Variants in CDH13 observed in about 807,000 individuals in gnomAD.
The protein encoded by CDH13 is cadherin 13, also known as cadherin-13.
Under a neutral mutation model 63.8 loss-of-function variants are expected in CDH13, and 24 were observed. That is an observed-to-expected ratio of 0.38 (90% confidence interval 0.27 to 0.53). CDH13 has a LOEUF of 0.53. Ranked by LOEUF, CDH13 falls within the 20% of genes least tolerant of loss-of-function variation. The pLI, the probability that CDH13 is intolerant of heterozygous loss-of-function variation, is 0.85. For missense variants in CDH13, 1,049 were observed against 903.1 expected (o/e 1.16, Z -2.07); for synonymous variants, 503 against 355.3 (o/e 1.42, Z -4.67).
At position 83,404,809 on chromosome 16, in the gene CDH13, G is replaced by A. The variant is rs529320194; in HGVS notation, c.781+59803G>A. Among the ~76,000 whole-genome samples the A allele has an allele frequency of 3.9e-5, 6 of 152,280 alleles. No homozygotes were observed. The East Asian group carries it at 1.2e-3, about 29-fold the overall frequency. On this transcript the variant is annotated intron_variant, in intron 6 of 13. Coordinates refer to ENST00000567109, the MANE Select transcript of CDH13 (RefSeq NM_001257.5). ...GGAAGCTTTCTGTGCAGCCAGTTTT[G>A]CATTGTGTTCCTCACCAACAGGATC...
intron 8 of CDH13, among the ~76,000 whole-genome samples, chr16:83,664,783 A>G (rs1913780475): frequency 6.6e-6 from 1 of 152,208 alleles, no homozygotes; most frequent in Non-Finnish European, 1.5e-5. Flanking sequence ...AAAAGCATCC[A>G]TAATTGGCCA....
At chr16:83,079,874 C>T (rs537106471) in intron 3 of CDH13, among the ~76,000 whole-genome samples, 1 of 152,142 alleles carries the variant, frequency 6.6e-6, no homozygotes, top group African/African-American at 2.4e-5. Flanking sequence ...TCTGGGGAAA[C>T]AAGTCATTAA....
chr16:83,493,526 G>A (rs2074067553), intron 7 of CDH13, among the ~76,000 whole-genome samples: 2 of 152,200 alleles, frequency 1.3e-5, no homozygotes, highest in South Asian at 4.1e-4. Context: ...CTTGATGGCT[G>A]TGTGGAAACC....
chr16:82,874,339 G>C (rs9921848), intron 2 of CDH13, among the ~76,000 whole-genome samples: 112,144 of 152,034 alleles, frequency 0.74, 41,712 homozygotes, highest in East Asian at 0.88. Context: ...TTGAGTTGGC[G>C]TCTTCACATC....
chr16:83,591,983 A>G (rs1384623804), intron 7 of CDH13, among the ~76,000 whole-genome samples: 3 of 152,192 alleles, frequency 2.0e-5, no homozygotes, highest in Non-Finnish European at 2.9e-5. Context: ...ATGGTAGGGT[A>G]TGCCCTTCTG....
intron 7 of CDH13, among the ~76,000 whole-genome samples, chr16:83,566,144 A>G (rs1413293583): frequency 6.6e-6 from 1 of 152,150 alleles, no homozygotes; most frequent in East Asian, 1.9e-4. Context: ...TTGGCCTGAC[A>G]GTACCACAGT....
chr16:83,394,628 C>T (rs763905806), intron 6 of CDH13, among the ~76,000 whole-genome samples: 1 of 152,214 alleles, frequency 6.6e-6, no homozygotes, highest in Non-Finnish European at 1.5e-5. Flanking sequence ...AGAAGCGTGA[C>T]ATGACCTGAC....
At chr16:83,530,192 T>C (rs1228631725) in intron 7 of CDH13, among the ~76,000 whole-genome samples, 6 of 152,202 alleles carry the variant, frequency 3.9e-5, no homozygotes, top group Admixed American at 2.6e-4. Flanking sequence ...CATGATAATT[T>C]GTAATAGGTT....
At chr16:82,832,972 C>T (rs1448306259) in intron 1 of CDH13, among the ~76,000 whole-genome samples, 1 of 152,086 alleles carries the variant, frequency 6.6e-6, no homozygotes, top group African/African-American at 2.4e-5. Context: ...AGAACTGCAG[C>T]CATGGATTAG....
chr16:83,500,858 G>A (rs1412151322), intron 7 of CDH13, among the ~76,000 whole-genome samples: 2 of 151,936 alleles, frequency 1.3e-5, no homozygotes, highest in African/African-American at 4.8e-5. Context: ...GGGATTGCAG[G>A]CATAAGCCAC....
intron 8 of CDH13, among the ~76,000 whole-genome samples, chr16:83,624,318 C>A (rs1910075229): frequency 6.6e-6 from 1 of 151,070 alleles, no homozygotes; most frequent in South Asian, 2.1e-4. Flanking sequence ...GCATTGATTC[C>A]CAGGAAATGA....
intron 13 of CDH13, among the ~76,000 whole-genome samples, chr16:83,788,610 C>G (rs924776302): frequency 6.6e-6 from 1 of 152,174 alleles, no homozygotes; most frequent in Non-Finnish European, 1.5e-5. Flanking sequence ...CTTCTCATCT[C>G]TCAACTGAGC....
At chr16:83,590,903 C>CTTTTTTTTTTTTTTTTTTTTTTTTTTT (rs34324940) in intron 7 of CDH13, among the ~76,000 whole-genome samples, 1 of 88,852 alleles carries the variant, frequency 1.1e-5, no homozygotes, top group Non-Finnish European at 2.1e-5. Context: ...CCAGGGGATT[C>CTTTTTTTTTTTTTTTTTTTTTTTTTTT]TTTTTTTTTT....
intron 4 of CDH13, among the ~76,000 whole-genome samples, chr16:83,169,867 G>C (rs955722356): frequency 2.0e-5 from 3 of 151,990 alleles, no homozygotes; most frequent in African/African-American, 7.2e-5. Context: ...CAAAATCAAA[G>C]TCACATGAAT....
At chr16:82,678,319 C>CT (rs11369498) in intron 1 of CDH13, among the ~76,000 whole-genome samples, 79,481 of 144,704 alleles carry the variant, frequency 0.55, 22,274 homozygotes, top group Non-Finnish European at 0.64. Context: ...ACAGAAAAAA[C>CT]TTTTTTTTTT....
At chr16:83,046,728 A>T (rs367872174) in intron 3 of CDH13, among the ~76,000 whole-genome samples, 3 of 152,320 alleles carry the variant, frequency 2.0e-5, no homozygotes, top group East Asian at 3.9e-4. Context: ...TCTTCCAAGC[A>T]ACAGCCCCAG....
chr16:83,716,056 T>C (rs1038910780), intron 10 of CDH13, among the ~76,000 whole-genome samples: 1 of 152,230 alleles, frequency 6.6e-6, no homozygotes, highest in Non-Finnish European at 1.5e-5. Flanking sequence ...TTCATTTTGT[T>C]TTCCATAAAG....
At chr16:83,134,136 C>T (rs889592978) in intron 4 of CDH13, among the ~76,000 whole-genome samples, 1 of 152,148 alleles carries the variant, frequency 6.6e-6, no homozygotes. Context: ...AATGAGGCCA[C>T]CAGATAAATT....
chr16:82,786,445 T>G (rs1198020991), intron 1 of CDH13, among the ~76,000 whole-genome samples: 7 of 151,330 alleles, frequency 4.6e-5, no homozygotes, highest in Non-Finnish European at 8.8e-5. Flanking sequence ...GTTTTTTTTT[T>G]TTTTTTTTTT....
Sources: gnomAD v4.1 joint callset for allele counts (sites outside exome capture counted in the v4.1 genomes callset) on GRCh38, gnomAD v4.1.1 for gene constraint, MANE v1.5 for transcripts, NCBI Gene and HGNC (gene_info 2026-07-23, HGNC 2026-07-21) for gene names.